PTBP2: variants seen among roughly 807,000 people sequenced by gnomAD.
PTBP2 encodes polypyrimidine tract binding protein 2.
A neutral mutation model predicts 61.4 loss-of-function variants in PTBP2; 13 were observed. The ratio of observed to expected loss-of-function variants is 0.21; its 90% CI spans 0.14 to 0.34. PTBP2 has a LOEUF of 0.34. Among genes scored for constraint, PTBP2 ranks in the 10% least tolerant of loss-of-function variants. The pLI, the probability that PTBP2 is intolerant of heterozygous loss-of-function variation, is 1.00. For missense variants in PTBP2, 405 were observed against 642.6 expected (o/e 0.63, Z 4.00); for synonymous variants, 215 against 218.5 (o/e 0.98, Z 0.14).
At chr1:96,724,494 G>A (rs1033468299) in intron 2 of PTBP2, among the ~76,000 whole-genome samples, 7 of 151,886 alleles carry the variant, frequency 4.6e-5, no homozygotes, top group Non-Finnish European at 1.0e-4. Flanking sequence ...TGATCTGCCT[G>A]CCTCTTATGA....
intron 11 of PTBP2, among the ~76,000 whole-genome samples, chr1:96,809,580 G>A (rs995376166): frequency 4.6e-5 from 7 of 151,912 alleles, no homozygotes; most frequent in Non-Finnish European, 1.0e-4. Context: ...TGGTGCTATT[G>A]TGGCTCACTG....
At position 96,738,747 on chromosome 1, in the gene PTBP2, T is replaced by C. The variant is rs115398233; in HGVS notation, c.40-12678T>C. 4.1e-3 allele frequency among the ~76,000 whole-genome samples: 629 copies of C among 152,312 alleles called. 9 individuals carry two copies. The highest frequency in any genetic ancestry group is 0.014 in the African/African-American group (583 of 41,570). ...TATGTACAATTCAAATATATGTCGG[T>C]TTAAATACCAAAATACCACTTTAAA... On this transcript the variant is annotated intron_variant, in intron 2 of 13. Coordinates refer to ENST00000674951, the MANE Select transcript of PTBP2 (RefSeq NM_021190.4).
At chr1:96,737,436 G>A (rs1350956959) in intron 2 of PTBP2, among the ~76,000 whole-genome samples, 1 of 152,012 alleles carries the variant, frequency 6.6e-6, no homozygotes, top group Non-Finnish European at 1.5e-5. Context: ...TGGGGAGGGG[G>A]GTTGACTGAA....
chr1:96,772,464 A>G lies in PTBP2; in HGVS notation c.432+1613A>G, dbSNP rs996800056. Among the ~76,000 whole-genome samples, 3 of 152,132 alleles carry G rather than the reference A, an allele frequency of 2.0e-5. No individual in the cohort carries two copies. In the East Asian group the frequency reaches 5.8e-4, roughly 29 times the overall value. Reference sequence around the variant, plus strand: ...CAAATGTCTATTTTACAATGTCACAATACAGTATTATGCATTACAGTAGTT... The same window carrying G: ...CAAATGTCTATTTTACAATGTCACAGTACAGTATTATGCATTACAGTAGTT... On this transcript the variant is annotated intron_variant, in intron 5 of 13. Transcript: ENST00000674951.
At chr1:96,819,713 A>T (rs1662616644), downstream of PTBP2, 1 of 146,790 alleles carries the variant, frequency 6.8e-6, no homozygotes. Context: ...TATTATTATT[A>T]TTTTCCAGTT....
chr1:96,745,077 T>C (rs868249931), intron 2 of PTBP2, among the ~76,000 whole-genome samples: 8 of 152,148 alleles, frequency 5.3e-5, no homozygotes, highest in Non-Finnish European at 1.2e-4. Context: ...GAGAATGTTA[T>C]GAAATATAAG....
chr1:96,772,419 C>A (rs1373756787), intron 5 of PTBP2, among the ~76,000 whole-genome samples: 5 of 152,098 alleles, frequency 3.3e-5, no homozygotes, highest in African/African-American at 1.2e-4. Flanking sequence ...AGTTGTATGC[C>A]AGGAAATGGG....
Position 96,769,880 on chromosome 1 carries a change from A to C in PTBP2, c.288+5A>C. On this transcript the variant is annotated splice_donor_5th_base_variant and intron_variant, in intron 4 of 13. Transcript: ENST00000674951. ...ATGCTGAAAGGAAAAAATCAGGTAC[A>C]CTTCTTTCAGGGTTTATGAAATGTT... 2.5e-6 allele frequency: 4 copies of C among 1,579,650 alleles called. No individual in the cohort carries two copies. Among genetic ancestry groups the C allele is most frequent in the Non-Finnish European group, 3.4e-6 (4 of 1,164,380 alleles).
chr1:96,773,835 C>T (rs534510017), intron 5 of PTBP2, among the ~76,000 whole-genome samples: 5 of 151,664 alleles, frequency 3.3e-5, no homozygotes, highest in Admixed American at 6.6e-5. Context: ...TGGTGGCGGG[C>T]GCCTGTAGTC....
chr1:96,746,913 C>CCCTTCCTTCCTTCCTT (rs1214485803), intron 2 of PTBP2, among the ~76,000 whole-genome samples: 6 of 29,524 alleles, frequency 2.0e-4, no homozygotes, highest in African/African-American at 6.9e-4. Context: ...CTCCCTCCCT[C>CCCTTCCTTCCTTCCTT]CCTTCCTTCC....
intron 7 of PTBP2, among the ~76,000 whole-genome samples, chr1:96,783,498 A>G (rs538433515): frequency 6.6e-6 from 1 of 152,138 alleles, no homozygotes; most frequent in South Asian, 2.1e-4. Context: ...TTCAACTCCT[A>G]AAAAACTTAG....
At chr1:96,742,326 G>A (rs1257869063) in intron 2 of PTBP2, among the ~76,000 whole-genome samples, 1 of 152,124 alleles carries the variant, frequency 6.6e-6, no homozygotes, top group Non-Finnish European at 1.5e-5. Context: ...AGGGAACAGG[G>A]ATACTTGGAC....
At chr1:96,760,737 G>A (rs185035639) in intron 3 of PTBP2, among the ~76,000 whole-genome samples, 3 of 152,198 alleles carry the variant, frequency 2.0e-5, no homozygotes, top group East Asian at 3.9e-4. Context: ...GAGCCACTGC[G>A]TCTGACCTAG....
At chr1:96,760,449 T>C (rs1393184707) in intron 3 of PTBP2, among the ~76,000 whole-genome samples, 1 of 132,548 alleles carries the variant, frequency 7.5e-6, no homozygotes, top group Non-Finnish European at 1.7e-5. Flanking sequence ...GCTTTTTTTT[T>C]TTTTTTTTTT....
At chr1:96,776,365 C>T (rs1200914335) in intron 5 of PTBP2, among the ~76,000 whole-genome samples, 1 of 151,668 alleles carries the variant, frequency 6.6e-6, no homozygotes, top group Non-Finnish European at 1.5e-5. Flanking sequence ...CTAAAATAAT[C>T]TATCACATTT....
At chr1:96,791,666 C>A (rs1001769525) in intron 8 of PTBP2, among the ~76,000 whole-genome samples, 5 of 152,006 alleles carry the variant, frequency 3.3e-5, no homozygotes, top group Non-Finnish European at 5.9e-5. Flanking sequence ...AAGGGATTCG[C>A]TATGTTTTCT....
Position 96,777,764 on chromosome 1 carries a change from C to A in PTBP2, c.597+15C>A. ...TTCTTCACCAAGTAAGTTTAATCTG[C>A]ATAATTACCTATAAATTAGAGAAAT... is the stretch of plus-strand genomic sequence containing the variant. On this transcript the variant is annotated intron_variant, in intron 6 of 13. Transcript: ENST00000674951. The A allele has an allele frequency of 6.4e-7, 1 of 1,569,462 alleles. No individual in the cohort carries two copies.
chr1:96,723,469 T>C, intron 1 of PTBP2, 95 bp from the exon 2 acceptor site: 8 of 1,020,238 alleles, frequency 7.8e-6, no homozygotes, highest in Non-Finnish European at 1.0e-5. Context: ...CTGGAAGATT[T>C]ATGAATGATG....
At chr1:96,760,647 A>T (rs751718394) in intron 3 of PTBP2, among the ~76,000 whole-genome samples, 1 of 151,916 alleles carries the variant, frequency 6.6e-6, no homozygotes, top group African/African-American at 2.4e-5. Context: ...GGGTTTCGCC[A>T]TGTTGGCCAG....
Sources: allele counts gnomAD v4.1 joint callset (sites outside exome capture counted in the v4.1 genomes callset), GRCh38; gene constraint gnomAD v4.1.1; transcripts MANE v1.5; gene names NCBI Gene and HGNC (gene_info 2026-07-23, HGNC 2026-07-21).